FHIT: variants seen among roughly 807,000 people sequenced by gnomAD.
FHIT encodes the protein bis(5'-adenosyl)-triphosphatase.
FHIT carries 19 observed loss-of-function variants against 17.9 expected under a neutral mutation model. That is an observed-to-expected ratio of 1.06 (90% CI 0.74 to 1.56). The LOEUF (loss-of-function observed/expected upper bound fraction) is 1.56. Ranked by LOEUF, FHIT falls within the 40% of genes most tolerant of loss-of-function variation. FHIT has a pLI of 0.00. For synonymous variants in FHIT, 81 were observed against 69.7 expected (o/e 1.16, Z -0.81); for missense variants, 248 against 189.2 (o/e 1.31, Z -1.82).
intron 8 of FHIT, among the ~76,000 whole-genome samples, chr3:59,879,516 C>T (rs777102369): frequency 6.6e-6 from 1 of 152,168 alleles, no homozygotes; most frequent in South Asian, 2.1e-4. Flanking sequence ...CCCTAATCAA[C>T]TGCCATTTTC....
intron 3 of FHIT, among the ~76,000 whole-genome samples, chr3:60,882,928 CCT>C: frequency 6.6e-6 from 1 of 152,120 alleles, no homozygotes; most frequent in Admixed American, 6.6e-5. Context: ...TCAAATTGTC[CCT>C]GTTTACAGAT....
chr3:59,890,039 T>G (rs1367050725), intron 8 of FHIT, among the ~76,000 whole-genome samples: 1 of 152,178 alleles, frequency 6.6e-6, no homozygotes, highest in Non-Finnish European at 1.5e-5. Context: ...AAATAATATC[T>G]AAGCAGTGCT....
chr3:61,005,506 T>G (rs139334792), intron 3 of FHIT, among the ~76,000 whole-genome samples: 29 of 152,150 alleles, frequency 1.9e-4, no homozygotes, highest in African/African-American at 7.0e-4. Context: ...ATAGTGATGA[T>G]AAGAACCACC....
chr3:60,858,780 AC>A (rs531195134), intron 3 of FHIT, among the ~76,000 whole-genome samples: 18 of 152,300 alleles, frequency 1.2e-4, no homozygotes, highest in Non-Finnish European at 2.4e-4. Context: ...TGGCATTGAG[AC>A]CATTTACAGT....
chr3:60,535,460 G>A (rs1437204236), intron 5 of FHIT, among the ~76,000 whole-genome samples: 1 of 151,972 alleles, frequency 6.6e-6, no homozygotes, highest in Non-Finnish European at 1.5e-5. Context: ...AAAGGAAAAA[G>A]CCCACTACAA....
chr3:60,139,753 C>A (rs1327437476), intron 5 of FHIT, among the ~76,000 whole-genome samples: 1 of 150,158 alleles, frequency 6.7e-6, no homozygotes, highest in Non-Finnish European at 1.5e-5. Context: ...CCCGAGGTTC[C>A]TTCCACTATC....
intron 3 of FHIT, among the ~76,000 whole-genome samples, chr3:60,858,583 C>T (rs563203658): frequency 6.6e-6 from 1 of 152,136 alleles, no homozygotes; most frequent in Non-Finnish European, 1.5e-5. Context: ...TTTCTTCTAC[C>T]TTGCTCCATG....
intron 4 of FHIT, among the ~76,000 whole-genome samples, chr3:60,680,304 G>A (rs1227803229): frequency 6.6e-6 from 1 of 152,070 alleles, no homozygotes; most frequent in Non-Finnish European, 1.5e-5. Context: ...GATTACTTTT[G>A]CAGTTGTACA....
At chr3:61,017,285 G>A (rs1374603880) in intron 3 of FHIT, among the ~76,000 whole-genome samples, 2 of 152,102 alleles carry the variant, frequency 1.3e-5, no homozygotes, top group Non-Finnish European at 2.9e-5. Context: ...GTGGAACTTC[G>A]TCTCAAAATA....
chr3:60,661,957 C>G (rs2040257785), intron 4 of FHIT, among the ~76,000 whole-genome samples: 1 of 151,964 alleles, frequency 6.6e-6, no homozygotes, highest in Non-Finnish European at 1.5e-5. Flanking sequence ...GATATTGGTC[C>G]TCTGTCAGAT....
chr3:60,816,694 TC>T, intron 4 of FHIT, among the ~76,000 whole-genome samples: 1 of 39,632 alleles, frequency 2.5e-5, no homozygotes, highest in Non-Finnish European at 9.1e-5. Context: ...CCTGTTGATT[TC>T]TTTTTTTTTT....
At chr3:60,172,101 A>G (rs1406097567) in intron 5 of FHIT, among the ~76,000 whole-genome samples, 14 of 152,210 alleles carry the variant, frequency 9.2e-5, no homozygotes, top group African/African-American at 2.7e-4. Context: ...AAACAAGCAC[A>G]TAAGTTTCTT....
At chr3:60,410,592 CTACT>C (rs1387424777) in intron 5 of FHIT, among the ~76,000 whole-genome samples, 3 of 152,052 alleles carry the variant, frequency 2.0e-5, no homozygotes, top group Admixed American at 6.6e-5. Flanking sequence ...TCCTGGGTGA[CTACT>C]TAACATATAT....
chr3:60,656,828 C>T (rs2040126915), intron 4 of FHIT, among the ~76,000 whole-genome samples: 1 of 152,178 alleles, frequency 6.6e-6, no homozygotes, highest in African/African-American at 2.4e-5. Context: ...ATTGTCCTTT[C>T]AAGAGATTTT....
intron 5 of FHIT, among the ~76,000 whole-genome samples, chr3:60,226,056 A>T (rs980088687): frequency 1.3e-5 from 2 of 152,208 alleles, no homozygotes; most frequent in Admixed American, 1.3e-4. Flanking sequence ...ACAGCCCCAC[A>T]GGGAGAGAAA....
chr3:60,914,186 T>C (rs955086244), intron 3 of FHIT, among the ~76,000 whole-genome samples: 4 of 152,154 alleles, frequency 2.6e-5, no homozygotes, highest in Non-Finnish European at 5.9e-5. Context: ...ATTACACAAC[T>C]ATATGCGAGG....
intron 1 of FHIT, among the ~76,000 whole-genome samples, chr3:61,225,291 T>A (rs2039941741): frequency 6.6e-6 from 1 of 152,258 alleles, no homozygotes; most frequent in African/African-American, 2.4e-5. Context: ...TGTTAATGCC[T>A]GGTTATATTC....
chr3:60,542,736 C>T (rs533324979), intron 4 of FHIT, among the ~76,000 whole-genome samples: 3 of 152,128 alleles, frequency 2.0e-5, no homozygotes, highest in Non-Finnish European at 4.4e-5. Flanking sequence ...CTCCATTGAA[C>T]AGAAATCATT....
At chr3:60,858,447 C>T (rs1281032531) in intron 3 of FHIT, among the ~76,000 whole-genome samples, 3 of 151,968 alleles carry the variant, frequency 2.0e-5, no homozygotes, top group Non-Finnish European at 4.4e-5. Context: ...CCTGAAAACT[C>T]GATTAAAACA....
Sources: gnomAD v4.1 joint callset for allele counts (sites outside exome capture counted in the v4.1 genomes callset) on GRCh38, gnomAD v4.1.1 for gene constraint, MANE v1.5 for transcripts, NCBI Gene and HGNC (gene_info 2026-07-23, HGNC 2026-07-21) for gene names.